The following CCBE1 variants were observed in gnomAD, a reference collection of about 807,000 sequenced individuals.
CCBE1 encodes collagen and calcium binding EGF domains 1, also known as collagen and calcium-binding EGF domain-containing protein 1.
A neutral mutation model predicts 50.0 loss-of-function variants in CCBE1; 37 were observed. That is an observed-to-expected ratio of 0.74 (90% confidence interval 0.57 to 0.97). The LOEUF is 0.97. CCBE1 is among the 50% of genes least tolerant of loss of function. The pLI is 0.00. For missense variants in CCBE1, 538 were observed against 523.8 expected (o/e 1.03, Z -0.26); for synonymous variants, 234 against 203.7 (o/e 1.15, Z -1.27).
intron 2 of CCBE1, among the ~76,000 whole-genome samples, chr18:59,583,651 T>TTG (rs2053120559): frequency 1.8e-5 from 2 of 111,492 alleles, no homozygotes; most frequent in Non-Finnish European, 3.6e-5. Context: ...TGTCACTGCT[T>TTG]TGCGTGTGTG....
intron 2 of CCBE1, among the ~76,000 whole-genome samples, chr18:59,656,210 A>G (rs1274914854): frequency 6.6e-6 from 1 of 152,244 alleles, no homozygotes; most frequent in East Asian, 1.9e-4. Context: ...TTGAATCAGA[A>G]AAAGTGTTAA....
At chr18:59,570,023 T>C (rs2052887543) in intron 2 of CCBE1, among the ~76,000 whole-genome samples, 1 of 152,234 alleles carries the variant, frequency 6.6e-6, no homozygotes, top group Admixed American at 6.5e-5. Context: ...ATCAAAGGCA[T>C]TTTCTACTTT....
At chr18:59,580,759 T>C (rs1047592123) in intron 2 of CCBE1, among the ~76,000 whole-genome samples, 1 of 152,186 alleles carries the variant, frequency 6.6e-6, no homozygotes, top group African/African-American at 2.4e-5. Context: ...AAGTCAAATT[T>C]TTTAAAAACA....
In CCBE1 at chr18:59,646,043, GA is replaced by G. The variant is rs549025764; in HGVS notation, c.212+50585del. On this transcript the variant is annotated intron_variant, in intron 2 of 10. Coordinates refer to ENST00000439986, the MANE Select transcript of CCBE1 (RefSeq NM_133459.4). ...AGCAAGACTCTGTCTCAAAAAAAAAGAAAAAAAAAAGGTATCAAAAGGCAGC... is the reference window on the plus strand; with the variant it reads ...AGCAAGACTCTGTCTCAAAAAAAAAGAAAAAAAAAGGTATCAAAAGGCAGC... Among the ~76,000 whole-genome samples, 197 of 145,256 alleles carry G rather than the reference GA, an allele frequency of 1.4e-3. 1 individual carries two copies. The highest frequency in any genetic ancestry group is 0.01 in the South Asian group (46 of 4,518).
intron 7 of CCBE1, 56 bp downstream of exon 7, chr18:59,447,927 T>C: frequency 5.6e-6 from 9 of 1,612,200 alleles, no homozygotes; most frequent in Non-Finnish European, 7.6e-6. Flanking sequence ...AAATGTGAGC[T>C]TTTGGCAGGC....
chr18:59,508,577 A>T (rs1007801811), intron 2 of CCBE1, among the ~76,000 whole-genome samples: 1 of 152,144 alleles, frequency 6.6e-6, no homozygotes, highest in East Asian at 1.9e-4. Flanking sequence ...AGCCTGGGCA[A>T]AAGAGTGAGA....
chr18:59,673,987 C>G (rs1475159617), intron 2 of CCBE1, among the ~76,000 whole-genome samples: 1 of 152,082 alleles, frequency 6.6e-6, no homozygotes, highest in East Asian at 1.9e-4. Flanking sequence ...CCCTCTTTTT[C>G]TATTGTTTGG....
intron 2 of CCBE1, among the ~76,000 whole-genome samples, chr18:59,556,724 CT>C (rs1183748562): frequency 1.3e-5 from 2 of 152,322 alleles, no homozygotes; most frequent in East Asian, 3.9e-4. Flanking sequence ...CATAGTAACT[CT>C]TCCAACCCAC....
chr18:59,658,303 A>G (rs1251370014), intron 2 of CCBE1, among the ~76,000 whole-genome samples: 1 of 114,674 alleles, frequency 8.7e-6, no homozygotes, highest in Non-Finnish European at 1.8e-5. Context: ...CCTGAGCAAC[A>G]TAGCAAGACC....
intron 2 of CCBE1, among the ~76,000 whole-genome samples, chr18:59,647,068 G>A (rs2054064330): frequency 1.3e-5 from 2 of 152,152 alleles, no homozygotes; most frequent in South Asian, 2.1e-4. Flanking sequence ...AATAGAAATA[G>A]TGACTAAAGC....
In CCBE1 at chr18:59,598,500, T is replaced by C. The variant is rs548592113; in HGVS notation, c.212+98129A>G. On this transcript the variant is annotated intron_variant, in intron 2 of 10. Coordinates refer to ENST00000439986, the MANE Select transcript of CCBE1 (RefSeq NM_133459.4). The stretch of plus-strand genomic sequence containing the variant: ...CCCAGAATGCCAGGTTTGAGGAATC[T>C]GGGAATGCTGTTTCTAGCTCTCCAT... 5.3e-5 allele frequency among the ~76,000 whole-genome samples: 8 copies of C among 152,360 alleles called. No individual in the cohort carries two copies. In the South Asian group the frequency reaches 1.2e-3, roughly 24 times the overall value.
chr18:59,583,229 C>T (rs2053112610), intron 2 of CCBE1, among the ~76,000 whole-genome samples: 1 of 151,770 alleles, frequency 6.6e-6, no homozygotes, highest in Non-Finnish European at 1.5e-5. Flanking sequence ...GAAACTTACA[C>T]TTTCAACTTT....
At chr18:59,678,961 A>C (rs1421819593) in intron 2 of CCBE1, among the ~76,000 whole-genome samples, 1 of 152,376 alleles carries the variant, frequency 6.6e-6, no homozygotes, top group East Asian at 1.9e-4. Context: ...AGTAAAATAC[A>C]AATATACATA....
At chr18:59,601,024 T>TG (rs2053422746) in intron 2 of CCBE1, among the ~76,000 whole-genome samples, 2 of 81,796 alleles carry the variant, frequency 2.4e-5, no homozygotes, top group African/African-American at 8.6e-5. Flanking sequence ...TTTTTTTTTT[T>TG]TTTTTTTTTT....
In CCBE1 at chr18:59,463,880, C is replaced by G. The variant is rs1292515824; in HGVS notation, c.553+2859G>C. ...CAATGGACTTGCCAGGCTGGGCTGT[C>G]CATAACGCATGGGCTACCTGGCTCA... is the stretch of plus-strand genomic sequence containing the variant. On this transcript the variant is annotated intron_variant, in intron 5 of 10. Coordinates refer to ENST00000439986, the MANE Select transcript of CCBE1 (RefSeq NM_133459.4). The G allele has an allele frequency of 2.5e-4, 38 of 152,224 alleles. 1 individual carries two copies. Among genetic ancestry groups the G allele is most frequent in the Admixed American group, 2.5e-3 (38 of 15,286 alleles). 9.4% of individuals were successfully genotyped at this position (152,224 alleles called of 1,614,324 possible). A position where few individuals can be genotyped will look rare whatever the true frequency, so the allele number is the denominator to read the frequency against.
chr18:59,522,139 T>G (rs563535366), intron 2 of CCBE1, among the ~76,000 whole-genome samples: 3 of 149,596 alleles, frequency 2.0e-5, no homozygotes, highest in Admixed American at 2.0e-4. Flanking sequence ...TTTTTTTTTT[T>G]GTACATTTGT....
intron 1 of CCBE1, 102 bp from the exon 2 acceptor site, chr18:59,696,811 C>G (rs953000640): frequency 6.2e-6 from 8 of 1,281,456 alleles, no homozygotes; most frequent in South Asian, 4.8e-5. Flanking sequence ...CCAGGCTCCC[C>G]GTCCCGGCGC....
intron 2 of CCBE1, among the ~76,000 whole-genome samples, chr18:59,517,077 C>T (rs1463615341): frequency 3.3e-5 from 5 of 152,216 alleles, no homozygotes; most frequent in African/African-American, 1.2e-4. Flanking sequence ...TAAGAGTGCA[C>T]ACTTCTTAGT....
At chr18:59,697,457 G>A (rs1568279417), upstream of CCBE1, 10 of 1,378,820 alleles carry the variant, frequency 7.3e-6, no homozygotes, top group African/African-American at 4.4e-5. Flanking sequence ...GAGAGCAGGG[G>A]CGTTTGCACC....
Sources: allele counts gnomAD v4.1 joint callset (sites outside exome capture counted in the v4.1 genomes callset), GRCh38; gene constraint gnomAD v4.1.1; transcripts MANE v1.5; gene names NCBI Gene and HGNC (gene_info 2026-07-23, HGNC 2026-07-21).